Variants in KDM4F observed in about 807,000 individuals in gnomAD.
The protein encoded by KDM4F is lysine demethylase 4F.
For synonymous variants in KDM4F, 223 were observed against 184.4 expected (o/e 1.21, Z -1.70); for missense variants, 586 against 496.4 (o/e 1.18, Z -1.71).
Position 95,050,496 on chromosome 11 carries a change from A to G in KDM4F, c.1075A>G (p.Arg359Gly). 4.2e-6 allele frequency: 3 copies of G among 722,224 alleles called. No homozygotes were observed. The South Asian group carries it at 4.4e-5, about 11-fold the overall frequency. The allele number at this position is 722,224 out of a possible 1,614,324, so 44.7% of individuals were successfully genotyped here. A position where few individuals can be genotyped will look rare whatever the true frequency, so the allele number is the denominator to read the frequency against. The change falls in exon 1 of 1, where the codon AGG (arginine) becomes GGG (glycine). Residue 359 changes from arginine (R) to glycine (G), a missense_variant. Physicochemically the swap from Arg to Gly is moderately radical, Grantham distance 125. Transcript: ENST00000545950. ...AGAAAGCCAAGAGCCGAGCAACTGGAGGGAGGACATAGCACTTAGGAGAGC... is the reference window on the plus strand; with the variant it reads ...AGAAAGCCAAGAGCCGAGCAACTGGGGGGAGGACATAGCACTTAGGAGAGC...
chr11:95,049,484 C>G, exon 1 of KDM4F: 1 of 1,555,790 alleles, frequency 6.4e-7, no homozygotes, highest in Non-Finnish European at 8.6e-7. Context: ...TTTACCCAAC[C>G]ATGGAAGAAT....
exon 1 of KDM4F, chr11:95,050,446 T>C: frequency 1.3e-6 from 1 of 785,636 alleles, no homozygotes. Flanking sequence ...TTGACTGTTG[T>C]GGATTACATG....
chr11:95,049,491 G>T, the KDM4F span: 2 of 1,566,156 alleles, frequency 1.3e-6, no homozygotes, highest in South Asian at 2.3e-5. Context: ...AACCATGGAA[G>T]AATTTGCAGA....
the KDM4F span, chr11:95,050,692 G>A: frequency 1.6e-6 from 1 of 627,170 alleles, no homozygotes; most frequent in Non-Finnish European, 2.8e-6. Context: ...ACTGGAAGGT[G>A]GGGTCCTTGT....
At chr11:95,051,283 G>A in exon 1 of KDM4F, 1 of 398,756 alleles carries the variant, frequency 2.5e-6, no homozygotes, top group African/African-American at 2.1e-5. Context: ...TTCCTCCAAT[G>A]CATGATCAAT....
chr11:95,050,802 C>A, exon 1 of KDM4F: 2 of 610,204 alleles, frequency 3.3e-6, no homozygotes, highest in South Asian at 4.0e-5. Flanking sequence ...AGCTAAGAGG[C>A]GCCTCTCAGT....
the KDM4F span, chr11:95,050,321 T>A: frequency 2.3e-6 from 3 of 1,312,266 alleles, no homozygotes; most frequent in Middle Eastern, 1.8e-4. Context: ...GGATTGATTA[T>A]GGTAAAGTGG....
exon 1 of KDM4F, chr11:95,050,095 G>A: frequency 6.3e-7 from 1 of 1,591,362 alleles, no homozygotes; most frequent in Non-Finnish European, 8.6e-7. Flanking sequence ...TGCCTGGCCA[G>A]GGAGCTCTTC....
chr11:95,050,131 G>A lies in KDM4F; in HGVS notation c.710G>A (p.Gly237Asp), dbSNP rs948133389. 4 of 1,556,856 alleles carry A rather than the reference G, an allele frequency of 2.6e-6. No individual in the cohort carries two copies. The East Asian group carries it at 6.7e-5, about 26-fold the overall frequency. ...CCAGGCAATTCCCGGGGCTGTGAGG[G>A]CTTCCTGCGGCACAAGGTGGCCCTC... Residue 237 changes from glycine (G) to aspartate (D), a missense_variant, in exon 1 of 1, where the codon GGC becomes GAC. Transcript: ENST00000545950.
chr11:95,051,031 G>A, exon 1 of KDM4F: 1 of 430,462 alleles, frequency 2.3e-6, no homozygotes, highest in Non-Finnish European at 4.0e-6. Flanking sequence ...AGCACTGCTA[G>A]TAGTCTTCCT....
At chr11:95,051,325 CA>C in the KDM4F span, 7 of 398,500 alleles carry the variant, frequency 1.8e-5, no homozygotes, top group African/African-American at 1.4e-4. Flanking sequence ...AATATGGTGT[CA>C]AATGTCAAGT....
At chr11:95,050,269 G>T (rs1555105386) in exon 1 of KDM4F, 2 of 1,510,000 alleles carry the variant, frequency 1.3e-6, no homozygotes, top group Admixed American at 1.7e-5. Context: ...TTCAATCACG[G>T]CTTCAACTGC....
chr11:95,049,710 C>A, exon 1 of KDM4F: 4 of 1,604,972 alleles, frequency 2.5e-6, no homozygotes, highest in Non-Finnish European at 3.4e-6. Flanking sequence ...GAGGGTGGGG[C>A]AGTATCGCCA....
In KDM4F at chr11:95,050,894, G is replaced by C. The variant is rs986663264; in HGVS notation, c.1473G>C (p.Leu491Phe). 16 of 502,720 alleles carry C rather than the reference G, an allele frequency of 3.2e-5. No individual in the cohort carries two copies. The South Asian group carries it at 5.7e-4, about 18-fold the overall frequency. The allele number at this position is 502,720 out of a possible 1,614,324, so 31.1% of individuals were successfully genotyped here. A position where few individuals can be genotyped will look rare whatever the true frequency, so the allele number is the denominator to read the frequency against. ...CTTTGACAGACAAACCCGCACCTTTGAGCGGTGGCCTTCCGCATTTTGCAA... is the reference window on the plus strand; with the variant it reads ...CTTTGACAGACAAACCCGCACCTTTCAGCGGTGGCCTTCCGCATTTTGCAA... The change falls in exon 1 of 1, where the codon TTG becomes TTC. Residue 491 changes from leucine to phenylalanine, a missense_variant. Leu to Phe is a conservative substitution (Grantham distance 22, BLOSUM62 0). Coordinates refer to ENST00000545950, the Ensembl canonical transcript of KDM4F.
chr11:95,050,140 G>T, exon 1 of KDM4F: 1 of 1,550,256 alleles, frequency 6.5e-7, no homozygotes, highest in Non-Finnish European at 8.9e-7. Context: ...GGCTTCCTGC[G>T]GCACAAGGTG....
chr11:95,050,614 G>A, exon 1 of KDM4F: 2 of 634,130 alleles, frequency 3.2e-6, no homozygotes, highest in South Asian at 3.7e-5. Context: ...AAGGGCGGTG[G>A]TACCGATGCT....
chr11:95,049,479 C>T lies in KDM4F; in HGVS notation c.58C>T (p.Pro20Ser), dbSNP rs572334749. The T allele has an allele frequency of 1.9e-4, 301 of 1,546,170 alleles. 2 individuals are homozygous for T. The South Asian group carries it at 3.4e-3, about 17-fold the overall frequency. Reference sequence around the variant, plus strand: ...GAGTCATACCATCATGACGTTTTACCCAACCATGGAAGAATTTGCAGATTT... The same window carrying T: ...GAGTCATACCATCATGACGTTTTACTCAACCATGGAAGAATTTGCAGATTT... Residue 20 changes from proline to serine, a missense_variant, in exon 1 of 1, where the codon CCA (proline) becomes TCA (serine). Physicochemically the swap from Pro to Ser is moderately conservative, Grantham distance 74. Transcript: ENST00000545950.
exon 1 of KDM4F, chr11:95,049,532 C>A: frequency 1.3e-6 from 2 of 1,593,348 alleles, no homozygotes; most frequent in Non-Finnish European, 1.7e-6. Flanking sequence ...ACATGGAGTC[C>A]CAAGGCGCAC....
At chr11:95,049,647 AC>A in the KDM4F span, 1 of 1,598,290 alleles carries the variant, frequency 6.3e-7, no homozygotes, top group East Asian at 2.2e-5. Flanking sequence ...CCAGCAGGTG[AC>A]CTCTGGGCAG....
Sources: gnomAD v4.1 joint callset for allele counts on GRCh38, gnomAD v4.1.1 for gene constraint, MANE v1.5 for transcripts, NCBI Gene and HGNC (gene_info 2026-07-23, HGNC 2026-07-21) for gene names.